The following LDLRAD4 variants were observed in gnomAD, a reference collection of about 807,000 sequenced individuals.
LDLRAD4 encodes low-density lipoprotein receptor class A domain-containing protein 4.
In LDLRAD4, 5 loss-of-function variants were observed where a neutral mutation model predicts 17.0. That is an observed-to-expected ratio of 0.29 (90% CI 0.15 to 0.62). The LOEUF (loss-of-function observed/expected upper bound fraction) is 0.62, where lower values mean the gene tolerates loss of function less well. Ranked by LOEUF, LDLRAD4 falls within the 20% of genes least tolerant of loss-of-function variation. The probability of loss-of-function intolerance (pLI) is 0.84; values close to 1 mark genes in which losing one functional copy is unlikely to be tolerated. For missense variants in LDLRAD4, 340 were observed against 424.7 expected (o/e 0.80, Z 1.75); for synonymous variants, 168 against 171.8 (o/e 0.98, Z 0.17).
chr18:13,297,365 G>T (rs1482671780), intron 1 of LDLRAD4, among the ~76,000 whole-genome samples: 5 of 152,304 alleles, frequency 3.3e-5, no homozygotes, highest in Non-Finnish European at 5.9e-5. Flanking sequence ...ACCTGTGGGT[G>T]CTGGGACCAC....
intron 1 of LDLRAD4, among the ~76,000 whole-genome samples, chr18:13,340,646 G>A (rs2082327846): frequency 6.6e-6 from 1 of 152,140 alleles, no homozygotes; most frequent in African/African-American, 2.4e-5. Flanking sequence ...AATCAGATAT[G>A]TGATTTGAAG....
chr18:13,339,712 G>C (rs1368917442), intron 1 of LDLRAD4, among the ~76,000 whole-genome samples: 1 of 152,060 alleles, frequency 6.6e-6, no homozygotes, highest in East Asian at 1.9e-4. Flanking sequence ...TTTAAAAGGA[G>C]ATAAGAATTG....
chr18:13,358,731 T>C (rs1336739841), intron 1 of LDLRAD4, among the ~76,000 whole-genome samples: 1 of 152,188 alleles, frequency 6.6e-6, no homozygotes, highest in Admixed American at 6.5e-5. Context: ...ACCCTGCTCT[T>C]TTTGAAGTTT....
intron 1 of LDLRAD4, among the ~76,000 whole-genome samples, chr18:13,380,891 A>G (rs968815015): frequency 6.6e-6 from 1 of 152,160 alleles, no homozygotes; most frequent in Admixed American, 6.5e-5. Flanking sequence ...TTGTGTTACA[A>G]AAGCTACATG....
At chr18:13,229,328 A>G (rs2041957296) in intron 1 of LDLRAD4, among the ~76,000 whole-genome samples, 1 of 152,192 alleles carries the variant, frequency 6.6e-6, no homozygotes. Context: ...CTGACTCTCT[A>G]GGTCTCAGTT....
At chr18:13,237,181 A>G (rs1314507824) in intron 1 of LDLRAD4, among the ~76,000 whole-genome samples, 1 of 152,150 alleles carries the variant, frequency 6.6e-6, no homozygotes, top group African/African-American at 2.4e-5. Context: ...CTGCTCCCTC[A>G]TCTTGAAAAT....
At chr18:13,643,998 T>C (rs2042847152) in intron 5 of LDLRAD4, among the ~76,000 whole-genome samples, 2 of 152,252 alleles carry the variant, frequency 1.3e-5, no homozygotes, top group South Asian at 4.1e-4. Context: ...GTAAGAAATG[T>C]ACTACCTGGA....
rs77758716 is a variant in LDLRAD4 at position 13,574,016 on chromosome 18, A to C, written c.182-47101A>C. ...AGGCTTGTGGGCTTCATGCATAGCG[A>C]TGGATACAGAAGCCTTGGCTGTTGG... On this transcript the variant is annotated intron_variant, in intron 3 of 5. Transcript: ENST00000359446. Among the ~76,000 whole-genome samples the C allele has an allele frequency of 7.6e-4, 116 of 152,228 alleles. 3 individuals are homozygous for C. In the East Asian group the frequency reaches 0.017, roughly 22 times the overall value.
chr18:13,609,530 C>CGCGTGTGT (rs1555768006), intron 3 of LDLRAD4, among the ~76,000 whole-genome samples: 2 of 149,440 alleles, frequency 1.3e-5, no homozygotes, highest in Admixed American at 6.6e-5. Context: ...TGTGTGTGTG[C>CGCGTGTGT]GTGTGTGTGT....
chr18:13,386,899 GATAGA>G (rs2085853837), intron 1 of LDLRAD4, among the ~76,000 whole-genome samples: 2 of 19,842 alleles, frequency 1.0e-4, no homozygotes, highest in South Asian at 1.8e-3. Context: ...TTCATAGATA[GATAGA>G]TAGATAGATA....
At chr18:13,623,316 G>A (rs2040826397) in intron 4 of LDLRAD4, among the ~76,000 whole-genome samples, 1 of 152,180 alleles carries the variant, frequency 6.6e-6, no homozygotes, top group Non-Finnish European at 1.5e-5. Context: ...GAAGACATTC[G>A]GCAGCCAGTG....
At chr18:13,232,723 T>A (rs1412451193) in intron 1 of LDLRAD4, among the ~76,000 whole-genome samples, 1 of 152,226 alleles carries the variant, frequency 6.6e-6, no homozygotes, top group Non-Finnish European at 1.5e-5. Context: ...GGAAGCCGTG[T>A]GCGCCGTTCA....
chr18:13,579,034 C>CA (rs1342496166), intron 3 of LDLRAD4, among the ~76,000 whole-genome samples: 14 of 151,324 alleles, frequency 9.3e-5, no homozygotes, highest in African/African-American at 3.4e-4. Context: ...ACTAAAAATA[C>CA]AAAAAATTAG....
intron 3 of LDLRAD4, among the ~76,000 whole-genome samples, chr18:13,581,438 C>G (rs2094856106): frequency 1.3e-5 from 2 of 152,204 alleles, no homozygotes; most frequent in Admixed American, 6.5e-5. Flanking sequence ...AACAGCCGAG[C>G]TGCTGCATTC....
intron 1 of LDLRAD4, among the ~76,000 whole-genome samples, chr18:13,219,755 C>G (rs2041350495): frequency 1.3e-5 from 2 of 152,184 alleles, no homozygotes; most frequent in Non-Finnish European, 2.9e-5. Context: ...GTTTGGCTAG[C>G]CAAGAATGGC....
chr18:13,631,817 C>T (rs2041688483), intron 4 of LDLRAD4, among the ~76,000 whole-genome samples: 1 of 152,086 alleles, frequency 6.6e-6, no homozygotes. Flanking sequence ...ATCCCAACTA[C>T]TCGGGAGGCT....
intron 1 of LDLRAD4, among the ~76,000 whole-genome samples, chr18:13,348,429 G>C (rs749901267): frequency 3.3e-5 from 5 of 152,146 alleles, no homozygotes; most frequent in Non-Finnish European, 5.9e-5. Context: ...TCATTCCTCT[G>C]GAAGTTTTGT....
intron 1 of LDLRAD4, among the ~76,000 whole-genome samples, chr18:13,376,356 C>T (rs1371701868): frequency 6.6e-6 from 1 of 152,190 alleles, no homozygotes; most frequent in Non-Finnish European, 1.5e-5. Flanking sequence ...GCTGGCGCGG[C>T]CCACGGTCGC....
intron 1 of LDLRAD4, among the ~76,000 whole-genome samples, chr18:13,227,802 A>C (rs2041885005): frequency 6.6e-6 from 1 of 152,220 alleles, no homozygotes. Flanking sequence ...TCATGAGAAC[A>C]GCACGGGGGA....
Sources: gnomAD v4.1 joint callset for allele counts (sites outside exome capture counted in the v4.1 genomes callset) on GRCh38, gnomAD v4.1.1 for gene constraint, MANE v1.5 for transcripts, NCBI Gene and HGNC (gene_info 2026-07-23, HGNC 2026-07-21) for gene names.